Variants in SLIT2 observed in about 807,000 individuals in gnomAD.
SLIT2 encodes the protein slit homolog 2 protein.
A neutral mutation model predicts 185.7 loss-of-function variants in SLIT2; 41 were observed. The ratio of observed to expected loss-of-function variants is 0.22; its 90% CI spans 0.17 to 0.29. SLIT2 has a LOEUF of 0.29. Ranked by LOEUF, SLIT2 falls within the 10% of genes least tolerant of loss-of-function variation. The probability of loss-of-function intolerance (pLI) is 1.00; values close to 1 mark genes in which losing one functional copy is unlikely to be tolerated. For synonymous variants in SLIT2, 693 were observed against 680.2 expected, an observed-to-expected ratio of 1.02 and a Z score of -0.29; for missense variants, 1,571 against 1,909.0, an observed-to-expected ratio of 0.82 and a Z score of 3.30.
chr4:20,458,763 A>T (rs935235911), intron 4 of SLIT2, among the ~76,000 whole-genome samples: 2 of 152,206 alleles, frequency 1.3e-5, no homozygotes, highest in African/African-American at 4.8e-5. Context: ...GCTGCTTACT[A>T]GCTGTATGGC....
At chr4:20,313,610 G>A (rs1405756881) in intron 4 of SLIT2, among the ~76,000 whole-genome samples, 1 of 152,154 alleles carries the variant, frequency 6.6e-6, no homozygotes, top group Non-Finnish European at 1.5e-5. Context: ...GTTTGTATGT[G>A]TTAAAGCGGT....
intron 33 of SLIT2, among the ~76,000 whole-genome samples, chr4:20,605,862 T>G (rs1477743048): frequency 6.6e-6 from 1 of 151,922 alleles, no homozygotes; most frequent in East Asian, 1.9e-4. Flanking sequence ...TCCTCATGCC[T>G]CAGCCTCCCA....
At chr4:20,518,563 A>G (rs866306847) in intron 11 of SLIT2, among the ~76,000 whole-genome samples, 166 of 9,434 alleles carry the variant, frequency 0.018, 8 homozygotes, top group African/African-American at 0.029. Flanking sequence ...ATATGTATAT[A>G]TATATATATA....
intron 30 of SLIT2, among the ~76,000 whole-genome samples, chr4:20,593,004 A>C (rs1157299027): frequency 1.3e-5 from 2 of 152,102 alleles, no homozygotes; most frequent in Admixed American, 6.6e-5. Flanking sequence ...TCAAATCCTG[A>C]TTTAGCATTT....
chr4:20,514,379 G>T (rs983278355), intron 11 of SLIT2, among the ~76,000 whole-genome samples: 14 of 152,128 alleles, frequency 9.2e-5, no homozygotes, highest in Admixed American at 1.3e-4. Flanking sequence ...GGTGGCTCAT[G>T]CCTGTAATTC....
intron 26 of SLIT2, among the ~76,000 whole-genome samples, chr4:20,564,911 A>G (rs1204500522): frequency 1.3e-5 from 2 of 151,984 alleles, no homozygotes; most frequent in African/African-American, 4.8e-5. Context: ...AATAAAATGC[A>G]AAGAAATTAG....
chr4:20,491,980 A>G, intron 9 of SLIT2, 81 bp downstream of exon 9: 1 of 1,407,062 alleles, frequency 7.1e-7, no homozygotes. Flanking sequence ...TTCTGAGTTT[A>G]TCGAAGGCAC....
intron 9 of SLIT2, among the ~76,000 whole-genome samples, chr4:20,498,788 T>C (rs1427131868): frequency 1.3e-5 from 2 of 152,286 alleles, no homozygotes; most frequent in East Asian, 3.9e-4. Context: ...GTGTCACATA[T>C]GTTCCACATT....
intron 5 of SLIT2, among the ~76,000 whole-genome samples, chr4:20,471,704 T>G (rs1715039704): frequency 6.6e-6 from 1 of 152,194 alleles, no homozygotes; most frequent in Non-Finnish European, 1.5e-5. Context: ...TGCTTTAATC[T>G]TGTGGATTGG....
intron 24 of SLIT2, 22 bp from the exon 25 acceptor site, chr4:20,550,805 T>C (rs763201104): frequency 9.2e-6 from 14 of 1,523,668 alleles, no homozygotes; most frequent in Non-Finnish European, 1.2e-5. Context: ...GGAAGTTTAA[T>C]TTTTCTTTTT....
At chr4:20,470,055 A>C (rs1714809688) in intron 5 of SLIT2, among the ~76,000 whole-genome samples, 1 of 152,044 alleles carries the variant, frequency 6.6e-6, no homozygotes, top group South Asian at 2.1e-4. Flanking sequence ...GTGCCTGGCC[A>C]GTTTTTACTT....
chr4:20,418,045 C>A (rs1409960846), intron 4 of SLIT2, among the ~76,000 whole-genome samples: 1 of 152,042 alleles, frequency 6.6e-6, no homozygotes, highest in African/African-American at 2.4e-5. Flanking sequence ...GTAGAGTGTA[C>A]CACTGGAAGA....
intron 33 of SLIT2, among the ~76,000 whole-genome samples, chr4:20,599,917 A>G (rs1255056538): frequency 6.6e-6 from 1 of 152,236 alleles, no homozygotes; most frequent in Non-Finnish European, 1.5e-5. Flanking sequence ...GTTCTGGGAA[A>G]GTACAAGCCA....
chr4:20,407,879 A>G (rs1463018836), intron 4 of SLIT2, among the ~76,000 whole-genome samples: 1 of 152,200 alleles, frequency 6.6e-6, no homozygotes, highest in South Asian at 2.1e-4. Context: ...GATAATATCT[A>G]CTGCACTGTG....
At position 20,484,407 on chromosome 4, in the gene SLIT2, G is replaced by A. The variant is rs1717003643; in HGVS notation, c.540-1793G>A. ...TGCTAAAAGCTCTTAGGTAAACTGA[G>A]CCAACAAATCCAGTGCTCTGTAGGT... On this transcript the variant is annotated intron_variant, in intron 6 of 36. Transcript: ENST00000504154. The surrounding 1 kb of genome is among the most constrained non-coding windows in gnomAD (Gnocchi z 4.3). 6.6e-6 allele frequency among the ~76,000 whole-genome samples: 1 copy of A among 152,094 alleles called. No individual in the cohort carries two copies. Among genetic ancestry groups the A allele is most frequent in the South Asian group, 2.1e-4 (1 of 4,826 alleles).
At chr4:20,481,574 A>AT (rs1716705635) in intron 6 of SLIT2, among the ~76,000 whole-genome samples, 3 of 152,076 alleles carry the variant, frequency 2.0e-5, no homozygotes, top group African/African-American at 7.2e-5. Flanking sequence ...TCTCTGCTTT[A>AT]TTTCATCCTT....
intron 20 of SLIT2, 109 bp from the exon 21 acceptor site, chr4:20,542,385 T>C (rs1175109691): frequency 1.1e-5 from 11 of 1,018,388 alleles, no homozygotes; most frequent in Non-Finnish European, 1.3e-5. Context: ...TAAATGATTA[T>C]GTAGCTTAAG....
intron 4 of SLIT2, among the ~76,000 whole-genome samples, chr4:20,383,610 C>T (rs979859736): frequency 1.3e-5 from 2 of 152,142 alleles, no homozygotes; most frequent in African/African-American, 4.8e-5. Flanking sequence ...TCACATATCA[C>T]TAAGGGGAGT....
At chr4:20,469,183 G>T (rs1577715428) in intron 5 of SLIT2, among the ~76,000 whole-genome samples, 2 of 152,142 alleles carry the variant, frequency 1.3e-5, no homozygotes, top group Admixed American at 1.3e-4. Flanking sequence ...TACCTGGATA[G>T]AACAGTGTGC....
Sources: gnomAD v4.1 joint callset for allele counts (sites outside exome capture counted in the v4.1 genomes callset) on GRCh38, gnomAD v4.1.1 for gene constraint, Gnocchi (gnomAD v3.1) non-coding constraint, MANE v1.5 for transcripts, NCBI Gene and HGNC (gene_info 2026-07-23, HGNC 2026-07-21) for gene names.